Variants in PDE3A observed in about 807,000 individuals in gnomAD.
PDE3A encodes the protein cGMP-inhibited 3',5'-cyclic phosphodiesterase 3A.
A neutral mutation model predicts 98.3 loss-of-function variants in PDE3A; 43 were observed. The observed-to-expected ratio is 0.44, with a 90% CI of 0.34 to 0.56. The LOEUF is 0.56. PDE3A is among the 20% of genes least tolerant of loss of function. The probability of loss-of-function intolerance (pLI) is 0.01; values close to 1 mark genes in which losing one functional copy is unlikely to be tolerated. For synonymous variants in PDE3A, 663 were observed against 567.9 expected, an observed-to-expected ratio of 1.17 and a Z score of -2.38; for missense variants, 1,427 against 1,440.7, an observed-to-expected ratio of 0.99 and a Z score of 0.15.
chr12:20,505,047 G>A (rs1259759964), intron 1 of PDE3A, among the ~76,000 whole-genome samples: 1 of 152,138 alleles, frequency 6.6e-6, no homozygotes, highest in East Asian at 1.9e-4. Context: ...TTTTTGCTTA[G>A]CAAATACAAG....
chr12:20,387,258 CT>C (rs1041092625), intron 1 of PDE3A, among the ~76,000 whole-genome samples: 1 of 151,518 alleles, frequency 6.6e-6, no homozygotes, highest in African/African-American at 2.4e-5. Context: ...TGTGTGGGCT[CT>C]TTTTTTTGGT....
rs140338317 is a variant in PDE3A, at chr12:20,469,807, T to C, written c.961-86853T>C. Among the ~76,000 whole-genome samples the C allele has an allele frequency of 1.1e-3, 167 of 152,306 alleles. 1 individual carries two copies. The highest frequency in any genetic ancestry group is 3.9e-3 in the African/African-American group (162 of 41,584). Reference sequence around the variant, plus strand: ...GGGAAATAGTAAGTTATCTAGGAAATGAAAACAGTAAATTATTTAACACAG... The same window carrying C: ...GGGAAATAGTAAGTTATCTAGGAAACGAAAACAGTAAATTATTTAACACAG... On this transcript the variant is annotated intron_variant, in intron 1 of 15. Transcript: ENST00000359062.
At position 20,469,330 on chromosome 12, in the gene PDE3A, T is replaced by A. The variant is rs181861553; in HGVS notation, c.961-87330T>A. Among the ~76,000 whole-genome samples the A allele has an allele frequency of 5.3e-5, 8 of 152,308 alleles. No individual in the cohort carries two copies. The East Asian group carries it at 1.2e-3, about 22-fold the overall frequency. On this transcript the variant is annotated intron_variant, in intron 1 of 15. Transcript: ENST00000359062. ...ATTTTTGCCTGCCTTCTGAACTTCA[T>A]TCCTTACTTTTATTATGTTGTAATA...
intron 4 of PDE3A, among the ~76,000 whole-genome samples, chr12:20,619,854 A>T (rs555324765): frequency 6.6e-6 from 1 of 152,196 alleles, no homozygotes; most frequent in African/African-American, 2.4e-5. Context: ...AATCTCTCTG[A>T]AATGGAAAAA....
At chr12:20,654,443 GA>G (rs981062142) in intron 15 of PDE3A, among the ~76,000 whole-genome samples, 7 of 151,970 alleles carry the variant, frequency 4.6e-5, no homozygotes, top group Admixed American at 3.9e-4. Flanking sequence ...CATGAAGTTA[GA>G]AAAAAATAAT....
At position 20,387,205 on chromosome 12, in the gene PDE3A, C is replaced by T. The variant is rs1249532821; in HGVS notation, c.960+16961C>T. Among the ~76,000 whole-genome samples the T allele has an allele frequency of 3.2e-4, 49 of 151,898 alleles. 1 individual carries two copies. Among genetic ancestry groups the T allele is most frequent in the Admixed American group, 3.1e-3 (47 of 15,206 alleles). On this transcript the variant is annotated intron_variant, in intron 1 of 15. Transcript: ENST00000359062. Reference sequence around the variant, plus strand: ...TAGTATAGTTTGAAATCAGGTAGCACAATGCCTGCTGCTTTGTTCTTTTTG... The same window carrying T: ...TAGTATAGTTTGAAATCAGGTAGCATAATGCCTGCTGCTTTGTTCTTTTTG...
At chr12:20,493,582 T>C (rs1482180577) in intron 1 of PDE3A, among the ~76,000 whole-genome samples, 2 of 152,002 alleles carry the variant, frequency 1.3e-5, no homozygotes, top group Non-Finnish European at 2.9e-5. Flanking sequence ...CAGATGTGCC[T>C]CACTTCTCTC....
intron 1 of PDE3A, among the ~76,000 whole-genome samples, chr12:20,531,708 T>G (rs1038954685): frequency 6.6e-6 from 1 of 152,184 alleles, no homozygotes; most frequent in Non-Finnish European, 1.5e-5. Flanking sequence ...CTTTGAACTT[T>G]GGGAAGTATA....
At chr12:20,455,508 G>A (rs765108552) in intron 1 of PDE3A, among the ~76,000 whole-genome samples, 14 of 152,144 alleles carry the variant, frequency 9.2e-5, no homozygotes, top group Non-Finnish European at 1.6e-4. Context: ...AATAGTGCTT[G>A]TAGCAGGATT....
intron 2 of PDE3A, among the ~76,000 whole-genome samples, chr12:20,575,453 A>G (rs1942907857): frequency 1.3e-5 from 2 of 152,082 alleles, no homozygotes; most frequent in South Asian, 4.1e-4. Flanking sequence ...ACAGAAAAAT[A>G]AATTTTAACT....
intron 1 of PDE3A, among the ~76,000 whole-genome samples, chr12:20,414,115 T>C (rs1298330265): frequency 6.6e-6 from 1 of 152,220 alleles, no homozygotes; most frequent in African/African-American, 2.4e-5. Context: ...TTCTGTGATA[T>C]TATACATTAT....
At chr12:20,589,561 A>AG (rs1367453159) in intron 2 of PDE3A, among the ~76,000 whole-genome samples, 1 of 152,054 alleles carries the variant, frequency 6.6e-6, no homozygotes, top group African/African-American at 2.4e-5. Flanking sequence ...TCTGGAGACC[A>AG]GGGAGACTTA....
chr12:20,619,898 T>A (rs1203558103), intron 4 of PDE3A, among the ~76,000 whole-genome samples: 1 of 152,076 alleles, frequency 6.6e-6, no homozygotes, highest in Non-Finnish European at 1.5e-5. Context: ...GAGTGTCAAA[T>A]TGACCTCAAC....
chr12:20,669,349 C>T (rs1452787111), intron 15 of PDE3A, among the ~76,000 whole-genome samples: 2 of 152,012 alleles, frequency 1.3e-5, no homozygotes, highest in African/African-American at 2.4e-5. Flanking sequence ...ATACAGAGAA[C>T]ACCACAAAGA....
intron 2 of PDE3A, among the ~76,000 whole-genome samples, chr12:20,588,760 T>G (rs1197714261): frequency 6.6e-6 from 1 of 152,136 alleles, no homozygotes; most frequent in Non-Finnish European, 1.5e-5. Context: ...GAAGTTGAAG[T>G]GCCAGGAGCT....
intron 1 of PDE3A, among the ~76,000 whole-genome samples, chr12:20,504,565 C>T (rs564354087): frequency 3.3e-5 from 5 of 151,982 alleles, no homozygotes; most frequent in East Asian, 1.9e-4. Flanking sequence ...ATGGACCATA[C>T]GGAGCTAAAA....
chr12:20,569,359 A>C (rs1942738691), intron 2 of PDE3A, among the ~76,000 whole-genome samples: 1 of 152,100 alleles, frequency 6.6e-6, no homozygotes, highest in African/African-American at 2.4e-5. Flanking sequence ...TGCTTAAAAG[A>C]TAAAGATGTT....
At chr12:20,418,101 G>A (rs1233504733) in intron 1 of PDE3A, among the ~76,000 whole-genome samples, 2 of 151,978 alleles carry the variant, frequency 1.3e-5, no homozygotes, top group Non-Finnish European at 2.9e-5. Context: ...CTCCCTGTAA[G>A]CTGTCCTCCA....
intron 1 of PDE3A, among the ~76,000 whole-genome samples, chr12:20,539,314 A>T (rs1035672716): frequency 6.6e-6 from 1 of 152,158 alleles, no homozygotes; most frequent in African/African-American, 2.4e-5. Context: ...TTTTCTTTAT[A>T]AAACAAAGTT....
Sources: allele counts gnomAD v4.1 joint callset (sites outside exome capture counted in the v4.1 genomes callset), GRCh38; gene constraint gnomAD v4.1.1; transcripts MANE v1.5; gene names NCBI Gene and HGNC (gene_info 2026-07-23, HGNC 2026-07-21).